Variants in SAMD12 observed in about 807,000 individuals in gnomAD.
The protein encoded by SAMD12 is sterile alpha motif domain-containing protein 12.
Under a neutral mutation model 15.0 loss-of-function variants are expected in SAMD12, and 9 were observed. The observed-to-expected ratio is 0.60, with a 90% CI of 0.36 to 1.05. The LOEUF is 1.05. Among genes scored for constraint, SAMD12 ranks in the 50% least tolerant of loss-of-function variants. The pLI, the probability that SAMD12 is intolerant of heterozygous loss-of-function variation, is 0.01. For missense variants in SAMD12, 230 were observed against 234.2 expected, an observed-to-expected ratio of 0.98 and a Z score of 0.12; for synonymous variants, 86 against 90.1, an observed-to-expected ratio of 0.96 and a Z score of 0.25.
intron 1 of SAMD12, among the ~76,000 whole-genome samples, chr8:118,613,315 T>G (rs1395262329): frequency 6.6e-6 from 1 of 152,150 alleles, no homozygotes; most frequent in Non-Finnish European, 1.5e-5. Flanking sequence ...AAATTAATAG[T>G]GAGTTTCAAT....
chr8:118,228,304 C>A (rs1454840520), intron 4 of SAMD12, among the ~76,000 whole-genome samples: 3 of 152,148 alleles, frequency 2.0e-5, no homozygotes, highest in African/African-American at 7.2e-5. Flanking sequence ...AACTAAAGAG[C>A]TTTTCCATGG....
chr8:118,296,377 C>T (rs927529753), intron 4 of SAMD12, among the ~76,000 whole-genome samples: 3 of 152,212 alleles, frequency 2.0e-5, no homozygotes, highest in South Asian at 4.1e-4. Flanking sequence ...GCTCAAATAT[C>T]CCCTCCTCAG....
intron 4 of SAMD12, among the ~76,000 whole-genome samples, chr8:118,248,349 C>T (rs569361718): frequency 6.6e-6 from 1 of 152,254 alleles, no homozygotes; most frequent in African/African-American, 2.4e-5. Flanking sequence ...GAGTCCTGTT[C>T]TTGCTCTTGG....
intron 2 of SAMD12, among the ~76,000 whole-genome samples, chr8:118,462,972 G>A (rs1029602218): frequency 1.1e-3 from 171 of 151,818 alleles, no homozygotes; most frequent in Non-Finnish European, 1.9e-3. Flanking sequence ...ATGGTGGCGC[G>A]TGCCTGTAGT....
intron 3 of SAMD12, among the ~76,000 whole-genome samples, chr8:118,400,079 G>T (rs1820793866): frequency 6.6e-6 from 1 of 152,198 alleles, no homozygotes; most frequent in East Asian, 1.9e-4. Context: ...CACAGTGCAT[G>T]ATGTACTTGA....
intron 3 of SAMD12, among the ~76,000 whole-genome samples, chr8:118,396,807 A>G (rs1472624805): frequency 6.6e-6 from 1 of 152,184 alleles, no homozygotes; most frequent in African/African-American, 2.4e-5. Flanking sequence ...CCAGTTCGGA[A>G]CCTAGAGCTT....
intron 2 of SAMD12, among the ~76,000 whole-genome samples, chr8:118,447,789 C>G (rs6989886): frequency 0.024 from 3,611 of 150,144 alleles, 126 homozygotes; most frequent in African/African-American, 0.084. Flanking sequence ...GCAGTGGCGC[C>G]ATCTCGGCTC....
intron 4 of SAMD12, among the ~76,000 whole-genome samples, chr8:118,250,661 AT>A (rs1328895437): frequency 6.6e-6 from 1 of 151,740 alleles, no homozygotes; most frequent in Non-Finnish European, 1.5e-5. Context: ...GTCTGGCTAA[AT>A]TTTTTATTTA....
intron 4 of SAMD12, among the ~76,000 whole-genome samples, chr8:118,285,995 T>C (rs975504503): frequency 6.6e-6 from 1 of 151,916 alleles, no homozygotes; most frequent in African/African-American, 2.4e-5. Context: ...CCATAAAAAA[T>C]GATGAGTTCA....
intron 3 of SAMD12, among the ~76,000 whole-genome samples, chr8:118,411,549 G>A (rs1018510173): frequency 1.3e-5 from 2 of 152,076 alleles, no homozygotes; most frequent in African/African-American, 4.8e-5. Flanking sequence ...TTAAAAGTAG[G>A]GCTTTGAAAA....
At chr8:118,488,685 C>T (rs536496449) in intron 2 of SAMD12, among the ~76,000 whole-genome samples, 21 of 152,328 alleles carry the variant, frequency 1.4e-4, no homozygotes, top group Non-Finnish European at 2.1e-4. Context: ...TATTGTTACA[C>T]GCACGAGTAA....
At chr8:118,350,370 C>A (rs1042630461) in intron 4 of SAMD12, among the ~76,000 whole-genome samples, 1 of 152,186 alleles carries the variant, frequency 6.6e-6, no homozygotes, top group African/African-American at 2.4e-5. Flanking sequence ...TCAATCCTAA[C>A]TTGATAGCAA....
chr8:118,183,744 G>T, the SAMD12 span, among the ~76,000 whole-genome samples: 1 of 151,972 alleles, frequency 6.6e-6, no homozygotes, highest in Non-Finnish European at 1.5e-5. Context: ...TTGTATTGTG[G>T]GGAAGTCTGG....
intron 1 of SAMD12, among the ~76,000 whole-genome samples, chr8:118,590,474 C>A (rs1221875597): frequency 6.6e-6 from 1 of 152,204 alleles, no homozygotes; most frequent in African/African-American, 2.4e-5. Context: ...GAGAGGTGAG[C>A]CTTCCTTCCT....
intron 4 of SAMD12, among the ~76,000 whole-genome samples, chr8:118,366,876 TAAAATAATAA>T (rs200811953): frequency 0.26 from 29,234 of 114,320 alleles, 4,389 homozygotes; most frequent in Admixed American, 0.28. Flanking sequence ...TAAAATAAAA[TAAAATAATAA>T]AATAAAATAA....
At chr8:118,215,362 A>T (rs1186422906) in intron 4 of SAMD12, among the ~76,000 whole-genome samples, 1 of 152,158 alleles carries the variant, frequency 6.6e-6, no homozygotes, top group South Asian at 2.1e-4. Flanking sequence ...AAGTTTGCCA[A>T]CCCCTATAAA....
At chr8:118,154,631 T>C in the SAMD12 span, among the ~76,000 whole-genome samples, 1 of 152,206 alleles carries the variant, frequency 6.6e-6, no homozygotes, top group Non-Finnish European at 1.5e-5. Context: ...CAGGGTGTTC[T>C]ATAGAGCTCA....
the SAMD12 span, among the ~76,000 whole-genome samples, chr8:118,172,576 T>C: frequency 3.9e-5 from 6 of 152,330 alleles, no homozygotes; most frequent in Non-Finnish European, 7.3e-5. Context: ...GAAGGTACTA[T>C]TGGGTTTTTA....
At chr8:118,515,185 ATTTTTTTTTT>A (rs55864364) in intron 2 of SAMD12, among the ~76,000 whole-genome samples, 7 of 103,314 alleles carry the variant, frequency 6.8e-5, no homozygotes, top group Non-Finnish European at 1.3e-4. Flanking sequence ...CGCCCAGCTA[ATTTTTTTTTT>A]TTTTTTTTTT....
Sources: gnomAD v4.1 joint callset for allele counts (sites outside exome capture counted in the v4.1 genomes callset) on GRCh38, gnomAD v4.1.1 for gene constraint, MANE v1.5 for transcripts, NCBI Gene and HGNC (gene_info 2026-07-23, HGNC 2026-07-21) for gene names.